RABGAP1L: variants seen among roughly 807,000 people sequenced by gnomAD.
RABGAP1L encodes RAB GTPase activating protein 1 like.
A neutral mutation model predicts 137.7 loss-of-function variants in RABGAP1L; 63 were observed. That is an observed-to-expected ratio of 0.46 (90% CI 0.37 to 0.56). The LOEUF is 0.56. Ranked by LOEUF, RABGAP1L falls within the 20% of genes least tolerant of loss-of-function variation. The probability of loss-of-function intolerance (pLI) is 0.00; values close to 1 mark genes in which losing one functional copy is unlikely to be tolerated. For missense variants in RABGAP1L, 1,095 were observed against 1,244.0 expected (o/e 0.88, Z 1.80); for synonymous variants, 431 against 433.7 (o/e 0.99, Z 0.08).
At chr1:174,823,998 A>T (rs931230462) in intron 19 of RABGAP1L, among the ~76,000 whole-genome samples, 1 of 152,122 alleles carries the variant, frequency 6.6e-6, no homozygotes, top group Admixed American at 6.5e-5. Context: ...TACTAAAAAT[A>T]CAAAATTTAG....
chr1:174,261,784 A>G (rs1673596906), intron 7 of RABGAP1L, among the ~76,000 whole-genome samples: 1 of 152,232 alleles, frequency 6.6e-6, no homozygotes, highest in African/African-American at 2.4e-5. Context: ...AACTCAAGTT[A>G]CTATCTTGAA....
intron 19 of RABGAP1L, among the ~76,000 whole-genome samples, chr1:174,906,702 C>T (rs1012023633): frequency 1.3e-5 from 2 of 151,896 alleles, no homozygotes; most frequent in Admixed American, 6.6e-5. Flanking sequence ...GATCACTAAA[C>T]AGATTCAACC....
At chr1:174,647,418 G>A (rs183024393) in intron 14 of RABGAP1L, among the ~76,000 whole-genome samples, 15 of 152,224 alleles carry the variant, frequency 9.9e-5, no homozygotes, top group African/African-American at 3.4e-4. Context: ...TTAGCATGAA[G>A]GAGTGTTGAA....
At chr1:174,800,440 G>C (rs896122271) in intron 18 of RABGAP1L, 13 of 1,550,920 alleles carry the variant, frequency 8.4e-6, no homozygotes, top group Admixed American at 5.9e-5. Flanking sequence ...ATGAGTATGC[G>C]TGTCGAGTGC....
At chr1:174,806,392 G>A (rs1689301724) in intron 18 of RABGAP1L, among the ~76,000 whole-genome samples, 1 of 152,164 alleles carries the variant, frequency 6.6e-6, no homozygotes, top group Admixed American at 6.5e-5. Context: ...TTGAGGCCAG[G>A]AGTTAAAAAC....
chr1:174,380,095 G>C (rs1685983075), intron 12 of RABGAP1L, among the ~76,000 whole-genome samples: 1 of 149,634 alleles, frequency 6.7e-6, no homozygotes, highest in African/African-American at 2.5e-5. Context: ...TACATTTATT[G>C]ATTTGCGTAT....
At chr1:174,771,792 G>A (rs1686128071) in intron 18 of RABGAP1L, among the ~76,000 whole-genome samples, 1 of 152,220 alleles carries the variant, frequency 6.6e-6, no homozygotes, top group Non-Finnish European at 1.5e-5. Context: ...TAAACAGTTT[G>A]TAATGAGCTC....
intron 13 of RABGAP1L, among the ~76,000 whole-genome samples, chr1:174,395,222 T>G (rs1039801719): frequency 2.0e-5 from 3 of 152,084 alleles, no homozygotes; most frequent in Admixed American, 1.3e-4. Context: ...GAGGAATAAT[T>G]GTGGGGCTCA....
chr1:174,239,369 T>C (rs1671582865), intron 4 of RABGAP1L, among the ~76,000 whole-genome samples: 2 of 152,220 alleles, frequency 1.3e-5, no homozygotes, highest in African/African-American at 4.8e-5. Flanking sequence ...ATTCCAGTTA[T>C]ACTAGCCTCT....
At chr1:174,725,635 C>G (rs570567031) in intron 17 of RABGAP1L, among the ~76,000 whole-genome samples, 168 of 151,994 alleles carry the variant, frequency 1.1e-3, no homozygotes, top group African/African-American at 3.8e-3. Context: ...GTGCAGGTGC[C>G]TTATGTGTCC....
At chr1:174,926,310 A>G (rs756351988) in intron 19 of RABGAP1L, among the ~76,000 whole-genome samples, 1 of 152,186 alleles carries the variant, frequency 6.6e-6, no homozygotes, top group Non-Finnish European at 1.5e-5. Flanking sequence ...GTCAAGGCTC[A>G]TATTTTAAAA....
At chr1:174,579,926 A>G (rs924921089) in intron 13 of RABGAP1L, among the ~76,000 whole-genome samples, 4 of 152,056 alleles carry the variant, frequency 2.6e-5, no homozygotes, top group Non-Finnish European at 5.9e-5. Flanking sequence ...ACGCCCAACT[A>G]ATTTTTCTAT....
intron 13 of RABGAP1L, among the ~76,000 whole-genome samples, chr1:174,470,999 C>T (rs1013389654): frequency 5.9e-5 from 9 of 151,458 alleles, no homozygotes; most frequent in Non-Finnish European, 2.9e-5. Context: ...CCTGGGGTAA[C>T]TAACTAGCAT....
At chr1:174,875,085 T>C (rs1036543189) in intron 19 of RABGAP1L, among the ~76,000 whole-genome samples, 8 of 152,192 alleles carry the variant, frequency 5.3e-5, no homozygotes, top group Non-Finnish European at 2.9e-5. Context: ...GAACAATCTG[T>C]TGAAGGTTAT....
chr1:174,632,585 C>T (rs1476483546), intron 13 of RABGAP1L, among the ~76,000 whole-genome samples: 2 of 149,836 alleles, frequency 1.3e-5, no homozygotes, highest in Non-Finnish European at 3.0e-5. Flanking sequence ...GGAGGCTTTG[C>T]TCATTTCTTT....
At chr1:174,231,485 G>A (rs1670645635) in intron 4 of RABGAP1L, 130 bp downstream of exon 4, 3 of 809,882 alleles carry the variant, frequency 3.7e-6, no homozygotes, top group Non-Finnish European at 6.1e-6. Flanking sequence ...AACATGTTTA[G>A]GCTTAGACTG....
intron 17 of RABGAP1L, among the ~76,000 whole-genome samples, chr1:174,734,201 G>C (rs989550121): frequency 1.3e-5 from 2 of 152,104 alleles, no homozygotes; most frequent in African/African-American, 4.8e-5. Flanking sequence ...TATGATTCTG[G>C]AGTTCAGAGG....
At chr1:174,498,554 G>A (rs1326335255) in intron 13 of RABGAP1L, among the ~76,000 whole-genome samples, 1 of 151,760 alleles carries the variant, frequency 6.6e-6, no homozygotes, top group Non-Finnish European at 1.5e-5. Flanking sequence ...GAGTGCAGTG[G>A]TATGCGATCT....
At chr1:174,344,507 T>C (rs919350444) in intron 11 of RABGAP1L, among the ~76,000 whole-genome samples, 1 of 152,194 alleles carries the variant, frequency 6.6e-6, no homozygotes, top group African/African-American at 2.4e-5. Flanking sequence ...ACTAAAAAAA[T>C]GATTTAGTGA....
Sources: gnomAD v4.1 joint callset for allele counts (sites outside exome capture counted in the v4.1 genomes callset) on GRCh38, gnomAD v4.1.1 for gene constraint, MANE v1.5 for transcripts, NCBI Gene and HGNC (gene_info 2026-07-23, HGNC 2026-07-21) for gene names.